SAMSN1: variants seen among roughly 807,000 people sequenced by gnomAD.
The protein encoded by SAMSN1 is SAM domain, SH3 domain and nuclear localization signals 1.
Under a neutral mutation model 42.0 loss-of-function variants are expected in SAMSN1, and 31 were observed. That is an observed-to-expected ratio of 0.74 (90% CI 0.55 to 1.00). SAMSN1 has a LOEUF of 1.00. Among genes scored for constraint, SAMSN1 ranks in the 50% least tolerant of loss-of-function variants. The pLI is 0.00. For missense variants in SAMSN1, 464 were observed against 439.4 expected (o/e 1.06, Z -0.50); for synonymous variants, 178 against 151.9 (o/e 1.17, Z -1.26).
chr21:14,513,381 T>C (rs1987772116), intron 3 of SAMSN1, among the ~76,000 whole-genome samples: 1 of 152,204 alleles, frequency 6.6e-6, no homozygotes, highest in Non-Finnish European at 1.5e-5. Context: ...GATTCAGTCA[T>C]TCAACACAAT....
chr21:14,549,268 T>A (rs894899982), upstream of SAMSN1, among the ~76,000 whole-genome samples: 2 of 152,144 alleles, frequency 1.3e-5, no homozygotes, highest in African/African-American at 4.8e-5. Flanking sequence ...ACATTGAGGA[T>A]CTCCATCTAC....
At chr21:14,532,966 T>G (rs1221157262) in intron 1 of SAMSN1, among the ~76,000 whole-genome samples, 1 of 152,068 alleles carries the variant, frequency 6.6e-6, no homozygotes, top group Non-Finnish European at 1.5e-5. Flanking sequence ...AAGACTGGAG[T>G]GCGGTGATGT....
At chr21:14,587,586 C>G (rs2123262175), upstream of SAMSN1, among the ~76,000 whole-genome samples, 1 of 152,192 alleles carries the variant, frequency 6.6e-6, no homozygotes, top group Middle Eastern at 3.4e-3. Flanking sequence ...CACCACCATT[C>G]TCTTCTCATG....
chr21:14,614,373 T>C (rs1982780423), intron 3 of SAMSN1, among the ~76,000 whole-genome samples: 2 of 152,170 alleles, frequency 1.3e-5, no homozygotes, highest in South Asian at 4.1e-4. Context: ...TATCATTAAC[T>C]CTTCCCCTAT....
At chr21:14,584,183 C>T (rs1371218228), upstream of SAMSN1, among the ~76,000 whole-genome samples, 1 of 152,164 alleles carries the variant, frequency 6.6e-6, no homozygotes, top group Non-Finnish European at 1.5e-5. Flanking sequence ...TATACAAAGT[C>T]TACCTGCTAA....
intron 7 of SAMSN1, among the ~76,000 whole-genome samples, chr21:14,497,532 C>T (rs1035716614): frequency 6.6e-6 from 1 of 152,094 alleles, no homozygotes; most frequent in African/African-American, 2.4e-5. Flanking sequence ...GCGGAGGTCG[C>T]GGTGAGCCGA....
chr21:14,542,711 G>A (rs554809151), intron 1 of SAMSN1, among the ~76,000 whole-genome samples: 5 of 152,272 alleles, frequency 3.3e-5, no homozygotes, highest in African/African-American at 7.2e-5. Context: ...GAGGTGGTTT[G>A]AGATGGGAAG....
chr21:14,625,451 T>C (rs1258756406), intron 2 of SAMSN1, among the ~76,000 whole-genome samples: 6 of 152,184 alleles, frequency 3.9e-5, no homozygotes, highest in Admixed American at 6.5e-5. Context: ...AAAATCAATG[T>C]ACAAAAATCA....
chr21:14,626,450 C>T (rs1431187238), intron 2 of SAMSN1, among the ~76,000 whole-genome samples: 1 of 152,072 alleles, frequency 6.6e-6, no homozygotes, highest in Non-Finnish European at 1.5e-5. Flanking sequence ...ACAAACAACC[C>T]CATCAAAAAG....
intron 3 of SAMSN1, among the ~76,000 whole-genome samples, chr21:14,513,501 CTGTG>C (rs766194905): frequency 6.9e-6 from 1 of 145,464 alleles, no homozygotes; most frequent in Non-Finnish European, 1.6e-5. Context: ...ATTGTGTTAG[CTGTG>C]TGTGTTTGTG....
At chr21:14,537,932 G>C (rs1162198835) in intron 1 of SAMSN1, among the ~76,000 whole-genome samples, 1 of 152,174 alleles carries the variant, frequency 6.6e-6, no homozygotes, top group Non-Finnish European at 1.5e-5. Context: ...TGAGTAGCAA[G>C]TTCTTAGATT....
chr21:14,617,608 T>G (rs1292585), intron 2 of SAMSN1, among the ~76,000 whole-genome samples: 25,586 of 152,194 alleles, frequency 0.17, 2,839 homozygotes, highest in African/African-American at 0.32. Context: ...CTCATTAGTT[T>G]GTCGTATGGG....
intron 6 of SAMSN1, among the ~76,000 whole-genome samples, chr21:14,499,350 G>C (rs1424670516): frequency 1.3e-5 from 2 of 151,962 alleles, no homozygotes; most frequent in African/African-American, 4.8e-5. Context: ...AAGTGAAGTT[G>C]AGTGCTTTTT....
chr21:14,585,564 G>T (rs2123256672), upstream of SAMSN1: 1 of 152,240 alleles, frequency 6.6e-6, no homozygotes, highest in South Asian at 2.1e-4. Flanking sequence ...TGTCCTAGAG[G>T]TTTTAAAACA....
chr21:14,541,044 C>T (rs1022879030), intron 1 of SAMSN1, among the ~76,000 whole-genome samples: 9 of 150,812 alleles, frequency 6.0e-5, no homozygotes, highest in Non-Finnish European at 1.2e-4. Flanking sequence ...GAAAACCAAA[C>T]ACCGCATGTT....
chr21:14,486,173 A>G, intron 7 of SAMSN1, 59 bp from the exon 8 acceptor site: 5 of 1,132,066 alleles, frequency 4.4e-6, no homozygotes, highest in East Asian at 2.5e-5. Context: ...TTATTCATGT[A>G]CTCATTCACT....
intron 5 of SAMSN1, among the ~76,000 whole-genome samples, chr21:14,504,745 C>T (rs1179004016): frequency 6.6e-6 from 1 of 152,078 alleles, no homozygotes; most frequent in Non-Finnish European, 1.5e-5. Context: ...ATACAAGAAA[C>T]ACGAACCTAG....
chr21:14,534,522 TTC>T (rs1374464066), intron 1 of SAMSN1, among the ~76,000 whole-genome samples: 52 of 86,672 alleles, frequency 6.0e-4, no homozygotes, highest in African/African-American at 3.9e-3. Context: ...GAGACTTTTT[TTC>T]TTTTTTTTTT....
chr21:14,591,949 T>C (rs1018884300), intron 7 of SAMSN1: 2 of 152,174 alleles, frequency 1.3e-5, no homozygotes, highest in African/African-American at 4.8e-5. Context: ...GAAGTCGCAA[T>C]GTCACTGCCA....
Sources: gnomAD v4.1 joint callset for allele counts (sites outside exome capture counted in the v4.1 genomes callset) on GRCh38, gnomAD v4.1.1 for gene constraint, MANE v1.5 for transcripts, NCBI Gene and HGNC (gene_info 2026-07-23, HGNC 2026-07-21) for gene names.